The following THSD4 variants were observed in gnomAD, a reference collection of about 807,000 sequenced individuals.
The protein encoded by THSD4 is thrombospondin type 1 domain containing 4, also known as thrombospondin type-1 domain-containing protein 4.
In THSD4, 69 loss-of-function variants were observed where a neutral mutation model predicts 119.0. The ratio of observed to expected loss-of-function variants is 0.58; its 90% CI spans 0.48 to 0.71. The LOEUF (loss-of-function observed/expected upper bound fraction) is 0.71. Among genes scored for constraint, THSD4 ranks in the 30% least tolerant of loss-of-function variants. The pLI, the probability that THSD4 is intolerant of heterozygous loss-of-function variation, is 0.00. For missense variants in THSD4, 1,393 were observed against 1,391.1 expected (o/e 1.00, Z -0.02); for synonymous variants, 524 against 540.4 (o/e 0.97, Z 0.42).
intron 17 of THSD4, among the ~76,000 whole-genome samples, chr15:71,772,789 G>A (rs191033478): frequency 6.6e-6 from 1 of 152,326 alleles, no homozygotes; most frequent in East Asian, 1.9e-4. Flanking sequence ...TGATAAGTAA[G>A]TGGGGAGAGG....
At chr15:71,530,193 C>G (rs554677346) in intron 7 of THSD4, among the ~76,000 whole-genome samples, 5 of 152,224 alleles carry the variant, frequency 3.3e-5, no homozygotes, top group Non-Finnish European at 5.9e-5. Context: ...TGTATGCAAG[C>G]TGGAAGACAC....
At chr15:71,356,605 A>G (rs2045814807) in intron 6 of THSD4, among the ~76,000 whole-genome samples, 1 of 150,566 alleles carries the variant, frequency 6.6e-6, no homozygotes, top group Non-Finnish European at 1.5e-5. Flanking sequence ...GGAAAGAGAA[A>G]GAGAGAGTGA....
chr15:71,185,543 A>C lies in THSD4; in HGVS notation c.100-29492A>C, dbSNP rs1187668997. The C allele has an allele frequency of 2.7e-5, 4 of 147,234 alleles. 1 individual carries two copies. The highest frequency in any genetic ancestry group is 4.6e-5 in the Non-Finnish European group (3 of 65,046). 9.1% of individuals were successfully genotyped at this position (147,234 alleles called of 1,614,324 possible). On this transcript the variant is annotated intron_variant, in intron 3 of 17. Coordinates refer to ENST00000261862, the MANE Select transcript of THSD4 (RefSeq NM_024817.3). ...AAAAATAACAACAATATCTGTAGAA[A>C]GCACTCAGAGAAAATGAAGGCCATA...
chr15:71,104,370 C>T (rs1158173971), intron 1 of THSD4, among the ~76,000 whole-genome samples: 1 of 152,150 alleles, frequency 6.6e-6, no homozygotes, highest in Non-Finnish European at 1.5e-5. Context: ...TTTTCTCCAT[C>T]CCAAGAAGTT....
At chr15:71,286,271 A>T (rs1158678412) in intron 6 of THSD4, among the ~76,000 whole-genome samples, 1 of 152,068 alleles carries the variant, frequency 6.6e-6, no homozygotes, top group African/African-American at 2.4e-5. Flanking sequence ...TATTAAGCCT[A>T]GGATCCATTA....
At chr15:71,423,585 T>G (rs2046834826) in intron 7 of THSD4, among the ~76,000 whole-genome samples, 4 of 152,236 alleles carry the variant, frequency 2.6e-5, no homozygotes, top group African/African-American at 7.2e-5. Context: ...CCCTCTCCTT[T>G]CCTCAAGTGG....
intron 6 of THSD4, among the ~76,000 whole-genome samples, chr15:71,404,387 G>A (rs1326435560): frequency 1.3e-5 from 2 of 152,098 alleles, no homozygotes; most frequent in Non-Finnish European, 2.9e-5. Flanking sequence ...ATAATGTTTT[G>A]AAGATTTATC....
At position 71,215,230 on chromosome 15, in the gene THSD4, G is replaced by T. The variant is rs772731888; in HGVS notation, c.295G>T (p.Ala99Ser). The T allele has an allele frequency of 4.7e-5, 67 of 1,423,890 alleles. No individual in the cohort carries two copies. The highest frequency in any genetic ancestry group is 5.8e-5 in the Non-Finnish European group (64 of 1,095,554). 88.2% of individuals were successfully genotyped at this position (1,423,890 alleles called of 1,614,324 possible). ...GGQRPGAPARAFADHVVSAVR... is the reference protein window; with the variant it reads ...GGQRPGAPARSFADHVVSAVR... Reference sequence around the variant, plus strand: ...CCAGCGGCCTGGCGCCCCTGCGCGCGCCTTCGCGGACCACGTGGTGTCGGC... The same window carrying T: ...CCAGCGGCCTGGCGCCCCTGCGCGCTCCTTCGCGGACCACGTGGTGTCGGC... Residue 99 changes from alanine (A) to serine (S), a missense_variant, in exon 4 of 18, where the codon GCC (alanine) becomes TCC (serine). Coordinates refer to ENST00000261862, the MANE Select transcript of THSD4 (RefSeq NM_024817.3).
chr15:71,739,478 C>G (rs977542308), intron 11 of THSD4, among the ~76,000 whole-genome samples: 4 of 152,136 alleles, frequency 2.6e-5, no homozygotes, highest in Non-Finnish European at 5.9e-5. Context: ...CCCAGGGTCC[C>G]GTTTCCTTGA....
At chr15:71,478,398 C>A (rs569267866) in intron 7 of THSD4, among the ~76,000 whole-genome samples, 1 of 152,040 alleles carries the variant, frequency 6.6e-6, no homozygotes, top group South Asian at 2.1e-4. Context: ...AGAATTATAT[C>A]CCCTATTCTC....
chr15:71,659,760 G>C (rs1293030836), intron 7 of THSD4, among the ~76,000 whole-genome samples: 1 of 152,192 alleles, frequency 6.6e-6, no homozygotes, highest in Non-Finnish European at 1.5e-5. Flanking sequence ...ACGGAAACAT[G>C]AATGAGGAGG....
intron 6 of THSD4, among the ~76,000 whole-genome samples, chr15:71,350,505 C>A (rs929968259): frequency 6.6e-6 from 1 of 152,078 alleles, no homozygotes; most frequent in Non-Finnish European, 1.5e-5. Context: ...CTCTCTGGCA[C>A]ATAAGGAACC....
chr15:71,143,025 T>C (rs1337214391), intron 2 of THSD4, among the ~76,000 whole-genome samples: 2 of 152,242 alleles, frequency 1.3e-5, no homozygotes. Context: ...AGCTTTAGTA[T>C]GTAGTTGCTT....
chr15:71,525,879 TC>T (rs2048510748), intron 7 of THSD4, among the ~76,000 whole-genome samples: 3 of 152,310 alleles, frequency 2.0e-5, no homozygotes, highest in Middle Eastern at 6.8e-3. Context: ...CCTTTCCCAT[TC>T]CCTGTAGAAC....
Position 71,504,670 on chromosome 15 carries a change from G to A in THSD4, c.1152+92847G>A, listed in dbSNP as rs183106796. 3.9e-5 allele frequency among the ~76,000 whole-genome samples: 6 copies of A among 152,280 alleles called. No individual in the cohort carries two copies. In the East Asian group the frequency reaches 1.2e-3, roughly 29 times the overall value. On this transcript the variant is annotated intron_variant, in intron 7 of 17. Transcript: ENST00000261862. ...TGCAAAGATAGTAGAGAGAGTTCCT[G>A]TACCCCTTAGCCAGTTTCAGTGTCC...
intron 5 of THSD4, among the ~76,000 whole-genome samples, chr15:71,252,623 C>T (rs776963649): frequency 6.6e-6 from 1 of 152,164 alleles, no homozygotes; most frequent in East Asian, 1.9e-4. Flanking sequence ...TACACAGTCA[C>T]GAAGGGCACC....
intron 7 of THSD4, among the ~76,000 whole-genome samples, chr15:71,595,996 A>T (rs781775914): frequency 2.0e-5 from 3 of 152,374 alleles, no homozygotes; most frequent in Middle Eastern, 3.4e-3. Flanking sequence ...AAGTCAGGAC[A>T]TGCATCATCC....
chr15:71,166,690 C>G (rs1385167465), intron 3 of THSD4, among the ~76,000 whole-genome samples: 1 of 152,076 alleles, frequency 6.6e-6, no homozygotes, highest in East Asian at 1.9e-4. Context: ...TGTTGCTCCC[C>G]CGGTGCTTTC....
At chr15:71,585,513 T>C (rs561234121) in intron 7 of THSD4, among the ~76,000 whole-genome samples, 1 of 152,306 alleles carries the variant, frequency 6.6e-6, no homozygotes, top group African/African-American at 2.4e-5. Context: ...ATTCTCTCTT[T>C]GTATTTGACT....
Sources: gnomAD v4.1 joint callset for allele counts (sites outside exome capture counted in the v4.1 genomes callset) on GRCh38, gnomAD v4.1.1 for gene constraint, MANE v1.5 for transcripts, NCBI Gene and HGNC (gene_info 2026-07-23, HGNC 2026-07-21) for gene names.